Variants in TFR2 observed in about 807,000 individuals in gnomAD.
TFR2 encodes transferrin receptor protein 2.
In TFR2, 64 loss-of-function variants were observed where a neutral mutation model predicts 91.9. That is an observed-to-expected ratio of 0.70 (90% CI 0.57 to 0.86). The LOEUF (loss-of-function observed/expected upper bound fraction) is 0.86. Among genes scored for constraint, TFR2 ranks in the 40% least tolerant of loss-of-function variants. TFR2 has a pLI of 0.00. For synonymous variants in TFR2, 454 were observed against 459.6 expected (o/e 0.99, Z 0.15); for missense variants, 950 against 1,080.5 (o/e 0.88, Z 1.69).
Position 100,627,782 on chromosome 7 carries a change from T to G in TFR2, c.1644A>C (p.Glu548Asp). The G allele has an allele frequency of 6.2e-7, 1 of 1,613,608 alleles. No homozygotes were observed. Among genetic ancestry groups the G allele is most frequent in the Non-Finnish European group, 8.5e-7 (1 of 1,179,878 alleles). ...SPNHSGQTLY[E>D]QVVFTNPSWD... The stretch of plus-strand genomic sequence containing the variant: ...AGCTGGGATTGGTGAACACCACCTG[T>G]TCATAGAGAGTCTGCCCACTGTGGT... Residue 548 changes from glutamate to aspartate, a missense_variant, in exon 14 of 18, where the codon GAA (glutamate) becomes GAC (aspartate). By Grantham distance (45) the Glu-to-Asp change is conservative (BLOSUM62 2). Coordinates refer to ENST00000223051, the MANE Select transcript of TFR2 (RefSeq NM_003227.4).
At position 100,621,998 on chromosome 7, in the gene TFR2, A is replaced by C. The variant is rs548977967; in HGVS notation, c.2137-872T>G. Among the ~76,000 whole-genome samples, 132 of 152,240 alleles carry C rather than the reference A, an allele frequency of 8.7e-4. No individual in the cohort carries two copies. In the East Asian group the frequency reaches 0.016, roughly 18 times the overall value. ...ATTGCCTGGGCACCGCCCCAGTAAA[A>C]TCAGAATCTCTAGGGGGTGATCTCA... On this transcript the variant is annotated intron_variant, in intron 17 of 17. Coordinates refer to ENST00000223051, the MANE Select transcript of TFR2 (RefSeq NM_003227.4).
chr7:100,633,366 C>G, intron 4 of TFR2, 26 bp from the exon 5 acceptor site: 3 of 1,609,112 alleles, frequency 1.9e-6, no homozygotes, highest in Middle Eastern at 1.7e-4. Flanking sequence ...GGTGAGCGCC[C>G]CGAGCCGCGT....
At chr7:100,638,212 C>T (rs1338478063) in intron 3 of TFR2, among the ~76,000 whole-genome samples, 1 of 151,818 alleles carries the variant, frequency 6.6e-6, no homozygotes, top group Non-Finnish European at 1.5e-5. Flanking sequence ...ACCATGTTAG[C>T]CAGGATAGTC....
Position 100,627,488 on chromosome 7 carries a change from C to A in TFR2, c.1771G>T (p.Asp591Tyr). The A allele has an allele frequency of 6.2e-7, 1 of 1,611,072 alleles. No individual in the cohort carries two copies. The highest frequency in any genetic ancestry group is 1.1e-5 in the South Asian group (1 of 90,678). ...PAVEFSFMEDDQAYPFLHTKE... is the reference protein window; with the variant it reads ...PAVEFSFMEDYQAYPFLHTKE... Reference sequence around the variant, plus strand: ...GTGTGCAGGAATGGGTAGGCCTGGTCGTCCTGCCAGGACAGGGTGGACGCT... The same window carrying A: ...GTGTGCAGGAATGGGTAGGCCTGGTAGTCCTGCCAGGACAGGGTGGACGCT... The change falls in exon 16 of 18, where the codon GAC becomes TAC. Residue 591 changes from aspartate to tyrosine, a missense_variant. Transcript: ENST00000223051.
Position 100,627,642 on chromosome 7 carries a change from C to A in TFR2, c.1702G>T (p.Asp568Tyr), listed in dbSNP as rs772314714. The A allele has an allele frequency of 6.2e-7, 1 of 1,614,154 alleles. No homozygotes were observed. The highest frequency in any genetic ancestry group is 8.5e-7 in the Non-Finnish European group (1 of 1,180,014). ...DAEVIRPLPM[D>Y]SSAYSFTAFV... ...GCCGTGAAGGAATAGGCACTGCTGT[C>A]CATGGGTAGGGGCCGGATCCTGGGG... Residue 568 changes from aspartate (D) to tyrosine (Y), a missense_variant, in exon 15 of 18, where the codon GAC (aspartate) becomes TAC (tyrosine). Asp to Tyr is a radical substitution (Grantham distance 160). Transcript: ENST00000223051.
chr7:100,640,950 C>T (rs1360589725), intron 2 of TFR2, 26 bp downstream of exon 2: 1 of 1,613,192 alleles, frequency 6.2e-7, no homozygotes, highest in Admixed American at 1.7e-5. Flanking sequence ...AAGCCCTTCA[C>T]TTCTGGGGAG....
chr7:100,634,533 C>T (rs1049371200), intron 3 of TFR2, among the ~76,000 whole-genome samples: 5 of 152,138 alleles, frequency 3.3e-5, no homozygotes, highest in African/African-American at 7.2e-5. Context: ...TGAACCATGA[C>T]GACCCGCCCC....
In TFR2 at chr7:100,630,887, A is replaced by T. The variant is rs1417339693; in HGVS notation, c.1270+2T>A. The T allele has an allele frequency of 6.2e-7, 1 of 1,612,538 alleles. No homozygotes were observed. Among genetic ancestry groups the T allele is most frequent in the Non-Finnish European group, 8.5e-7 (1 of 1,179,808 alleles). Reference sequence around the variant, plus strand: ...GTGAGTGATACTGGACACACAGCATACCTGGCTCTGAGCGGCCTTCGATGC... The same window carrying T: ...GTGAGTGATACTGGACACACAGCATTCCTGGCTCTGAGCGGCCTTCGATGC... On this transcript the variant is annotated splice_donor_variant, in intron 9 of 17. Transcript: ENST00000223051. LOFTEE classifies it high-confidence loss of function.
chr7:100,641,250 G>A, intron 1 of TFR2, 22 bp from the exon 2 acceptor site: 1 of 1,535,782 alleles, frequency 6.5e-7, no homozygotes, highest in East Asian at 2.4e-5. Context: ...AGGTGGGCAT[G>A]AGATTGGGGC....
intron 3 of TFR2, among the ~76,000 whole-genome samples, chr7:100,634,306 G>A (rs1369221363): frequency 2.6e-5 from 4 of 152,032 alleles, no homozygotes; most frequent in Non-Finnish European, 1.5e-5. Flanking sequence ...GGGCCTCATG[G>A]AGACACTTTA....
chr7:100,625,420 T>G (rs1338235792), intron 17 of TFR2, among the ~76,000 whole-genome samples: 1 of 57,086 alleles, frequency 1.8e-5, no homozygotes, highest in Non-Finnish European at 3.1e-5. Flanking sequence ...GTATGGCAAC[T>G]TTGAAAGGTG....
chr7:100,620,921 C>G lies in TFR2; in HGVS notation c.2342G>C (p.Trp781Ser), dbSNP rs776832602. Residue 781 changes from tryptophan to serine, a missense_variant, in exon 18 of 18, where the codon TGG (tryptophan) becomes TCG (serine). Transcript: ENST00000223051. ...CGCATTGGCTGCCCCTTGCAGCGTC[C>G]AGGTGAGCAGGGCTAGCTGACGCCG... is the stretch of plus-strand genomic sequence containing the variant. ...RFRRQLALLT[W>S]TLQGAANALS... The G allele has an allele frequency of 6.2e-7, 1 of 1,614,152 alleles. No individual in the cohort carries two copies. Among genetic ancestry groups the G allele is most frequent in the Non-Finnish European group, 8.5e-7 (1 of 1,179,968 alleles).
intron 8 of TFR2, chr7:100,631,525 G>T: frequency 2.7e-6 from 1 of 374,296 alleles, no homozygotes; most frequent in South Asian, 2.5e-5. Flanking sequence ...TCTGGAGTCT[G>T]AGGCAGAAGA....
chr7:100,630,958 C>T lies in TFR2; in HGVS notation c.1201G>A (p.Val401Ile), dbSNP rs1398280124. 1 of 1,613,182 alleles carries T rather than the reference C, an allele frequency of 6.2e-7. No homozygotes were observed. The highest frequency in any genetic ancestry group is 1.1e-5 in the South Asian group (1 of 91,020). ...LGPGPRLRLV[V>I]NNHRTSTPIN... ...GGGGTGGAGGTCCTGTGATTGTTGA[C>T]CACTAGCCGCAGTCGTGGCCCGGGG... Residue 401 changes from valine (V) to isoleucine (I), a missense_variant, in exon 9 of 18, where the codon GTC becomes ATC. Transcript: ENST00000223051.
intron 5 of TFR2, 36 bp from the exon 6 acceptor site, chr7:100,633,159 G>GGACGC (rs1803498698): frequency 6.2e-7 from 1 of 1,612,890 alleles, no homozygotes; most frequent in African/African-American, 1.3e-5. Context: ...CGCTCCCCGC[G>GGACGC]TCCCTCCTTC....
At position 100,640,749 on chromosome 7, in the gene TFR2, C is replaced by T; in HGVS notation, c.410G>A (p.Trp137Ter). ...CAGGAACATGGCCTGGAGGTCGCTC[C>T]AGTAGAGTCTGCCCTGGTGGAAATC... ...DLDFHQGRLY[W>*]SDLQAMFLQF... The change falls in exon 3 of 18, where the codon TGG (tryptophan) becomes TAG (stop). Residue 137 changes from tryptophan (W) to a stop codon, truncating the protein, a stop_gained. Coordinates refer to ENST00000223051, the MANE Select transcript of TFR2 (RefSeq NM_003227.4). LOFTEE classifies it high-confidence loss of function. 6.2e-7 allele frequency: 1 copy of T among 1,614,084 alleles called. No individual in the cohort carries two copies. The highest frequency in any genetic ancestry group is 8.5e-7 in the Non-Finnish European group (1 of 1,180,012).
Position 100,628,357 on chromosome 7 carries a change from C to A in TFR2, c.1391-51G>T, listed in dbSNP as rs753130015. ...GGCTTAGCAGGGGCCAAGCAAAGACCCTCCCCTTGTCTTCTTCTGTCCTGG... is the reference window on the plus strand; with the variant it reads ...GGCTTAGCAGGGGCCAAGCAAAGACACTCCCCTTGTCTTCTTCTGTCCTGG... On this transcript the variant is annotated intron_variant, in intron 10 of 17. Transcript: ENST00000223051. 7 of 1,565,960 alleles carry A rather than the reference C, an allele frequency of 4.5e-6. No homozygotes were observed. The South Asian group carries it at 7.8e-5, about 17-fold the overall frequency.
Position 100,641,160 on chromosome 7 carries a change from C to A in TFR2, c.102G>T (p.Leu34=). ...QRVEGPRKGH[L]EEEEEDGEEG... ...CCTCCCCGTCTTCCTCTTCCTCCTC[C>A]AGGTGCCCTTTCCGGGGGCCTTCCA... The change falls in exon 2 of 18, where the codon CTG becomes CTT. Residue 34 remains leucine, a synonymous_variant. Coordinates refer to ENST00000223051, the MANE Select transcript of TFR2 (RefSeq NM_003227.4). 1.3e-6 allele frequency: 2 copies of A among 1,535,916 alleles called. No individual in the cohort carries two copies. The highest frequency in any genetic ancestry group is 8.8e-7 in the Non-Finnish European group (1 of 1,140,774).
rs1987544 is a variant in TFR2, at chr7:100,630,445, G to A, written c.1270+444C>T. ...GCTGGAATTACAGATGCATGCCACC[G>A]GGCCCAGCTAATGTTTGTATTTTTA... On this transcript the variant is annotated intron_variant, in intron 9 of 17. Coordinates refer to ENST00000223051, the MANE Select transcript of TFR2 (RefSeq NM_003227.4). Among the ~76,000 whole-genome samples, 633 of 151,986 alleles carry A rather than the reference G, an allele frequency of 4.2e-3. 3 individuals are homozygous for A. Among genetic ancestry groups the A allele is most frequent in the African/African-American group, 0.013 (523 of 41,452 alleles).
Sources: allele counts gnomAD v4.1 joint callset (sites outside exome capture counted in the v4.1 genomes callset), GRCh38; gene constraint gnomAD v4.1.1; transcripts MANE v1.5; gene names NCBI Gene and HGNC (gene_info 2026-07-23, HGNC 2026-07-21).